The following DTWD2 variants were observed in gnomAD, a reference collection of about 807,000 sequenced individuals.
DTWD2 encodes the protein DTW motif tRNA-uridine aminocarboxypropyltransferase 2.
Under a neutral mutation model 31.8 loss-of-function variants are expected in DTWD2, and 39 were observed. That is an observed-to-expected ratio of 1.22 (90% confidence interval 0.95 to 1.60). The LOEUF (loss-of-function observed/expected upper bound fraction) is 1.60, where lower values mean the gene tolerates loss of function less well. Among genes scored for constraint, DTWD2 ranks in the 40% most tolerant of loss-of-function variants. The pLI is 0.00. For synonymous variants in DTWD2, 180 were observed against 142.8 expected (o/e 1.26, Z -1.86); for missense variants, 515 against 381.5 (o/e 1.35, Z -2.92).
chr5:118,855,419 TTTTA>T (rs1007395161), intron 4 of DTWD2, among the ~76,000 whole-genome samples: 6 of 148,982 alleles, frequency 4.0e-5, no homozygotes, highest in Middle Eastern at 3.4e-3. Flanking sequence ...ATTTTTAAAA[TTTTA>T]TTTATTTTCT....
intron 4 of DTWD2, among the ~76,000 whole-genome samples, chr5:118,872,376 C>T (rs1218423735): frequency 2.0e-5 from 3 of 152,250 alleles, no homozygotes; most frequent in Non-Finnish European, 2.9e-5. Context: ...CTGCTTTTGT[C>T]ATGCCTTCCT....
chr5:118,985,101 A>G (rs1755395290), intron 1 of DTWD2, among the ~76,000 whole-genome samples: 1 of 151,814 alleles, frequency 6.6e-6, no homozygotes, highest in African/African-American at 2.4e-5. Flanking sequence ...GGCAACCACC[A>G]CTAATCTCTG....
chr5:118,928,213 C>T (rs1199309943), intron 4 of DTWD2, among the ~76,000 whole-genome samples: 1 of 151,918 alleles, frequency 6.6e-6, no homozygotes, highest in Non-Finnish European at 1.5e-5. Context: ...TAACAAAACA[C>T]ATTAATACAT....
At chr5:118,941,226 T>G (rs1754191198) in intron 2 of DTWD2, among the ~76,000 whole-genome samples, 1 of 152,188 alleles carries the variant, frequency 6.6e-6, no homozygotes, top group Non-Finnish European at 1.5e-5. Context: ...GTGCACAATG[T>G]GCAGATTTGT....
At position 118,836,428 on chromosome 5, in the gene DTWD2, G is replaced by A. The variant is rs1055960080; in HGVS notation, c.*4489C>T. 6.6e-6 allele frequency among the ~76,000 whole-genome samples: 1 copy of A among 152,030 alleles called. No individual in the cohort carries two copies. Among genetic ancestry groups the A allele is most frequent in the African/African-American group, 2.4e-5 (1 of 41,398 alleles). ...TAATTTTTGTATTTTTAGTACAGATGAGGTTTCACCATCTTGGCCAGGCTG... is the reference window on the plus strand; with the variant it reads ...TAATTTTTGTATTTTTAGTACAGATAAGGTTTCACCATCTTGGCCAGGCTG... On this transcript the variant is annotated 3_prime_UTR_variant, in exon 6 of 6. Coordinates refer to ENST00000510708, the MANE Select transcript of DTWD2 (RefSeq NM_173666.4).
rs1751596044 is a variant in DTWD2 at position 118,837,305 on chromosome 5, C to T, written c.*3612G>A. 1 of 152,072 alleles carries T rather than the reference C, an allele frequency of 6.6e-6. No homozygotes were observed. The highest frequency in any genetic ancestry group is 1.5e-5 in the Non-Finnish European group (1 of 67,988). The allele number at this position is 152,072 out of a possible 1,614,324, so 9.4% of individuals were successfully genotyped here. ...GCCTACTTATGGGGCAAATTAAATGCAAAGTTTCATTCCATCTATAATGCA... is the reference window on the plus strand; with the variant it reads ...GCCTACTTATGGGGCAAATTAAATGTAAAGTTTCATTCCATCTATAATGCA... On this transcript the variant is annotated 3_prime_UTR_variant, in exon 6 of 6. Transcript: ENST00000510708.
chr5:118,961,312 T>C (rs187189438), intron 1 of DTWD2, among the ~76,000 whole-genome samples: 2 of 152,330 alleles, frequency 1.3e-5, no homozygotes, highest in East Asian at 3.9e-4. Flanking sequence ...TATAAACAAA[T>C]ATAAAATATA....
intron 1 of DTWD2, among the ~76,000 whole-genome samples, chr5:118,978,677 A>G (rs1755221047): frequency 6.6e-6 from 1 of 152,220 alleles, no homozygotes; most frequent in Non-Finnish European, 1.5e-5. Flanking sequence ...ACAGTGAGAT[A>G]CCATCTCATG....
chr5:118,881,083 T>C (rs1241774933), intron 4 of DTWD2, among the ~76,000 whole-genome samples: 1 of 152,198 alleles, frequency 6.6e-6, no homozygotes, highest in African/African-American at 2.4e-5. Flanking sequence ...CATACATCTA[T>C]TTTGGAGAAA....
chr5:118,862,457 G>A (rs943716681), intron 4 of DTWD2, among the ~76,000 whole-genome samples: 1 of 152,076 alleles, frequency 6.6e-6, no homozygotes, highest in Non-Finnish European at 1.5e-5. Flanking sequence ...AAATGAGAAG[G>A]TATCAAGGCA....
chr5:118,859,989 G>T (rs1339886534), intron 4 of DTWD2, among the ~76,000 whole-genome samples: 1 of 151,924 alleles, frequency 6.6e-6, no homozygotes, highest in Non-Finnish European at 1.5e-5. Context: ...GTGGTAGCAT[G>T]CACCTGCAGT....
chr5:118,947,674 TCA>T (rs1382334617), intron 1 of DTWD2, among the ~76,000 whole-genome samples: 1 of 152,188 alleles, frequency 6.6e-6, no homozygotes, highest in Non-Finnish European at 1.5e-5. Flanking sequence ...ATGCATGTTC[TCA>T]CTTTGGGGCA....
intron 1 of DTWD2, among the ~76,000 whole-genome samples, chr5:118,980,005 T>C (rs929483913): frequency 6.6e-6 from 1 of 152,226 alleles, no homozygotes; most frequent in African/African-American, 2.4e-5. Flanking sequence ...ACTTAAAAGT[T>C]GAAAAGAAAA....
At chr5:118,886,389 G>A (rs1031084639) in intron 4 of DTWD2, among the ~76,000 whole-genome samples, 1 of 152,200 alleles carries the variant, frequency 6.6e-6, no homozygotes, top group African/African-American at 2.4e-5. Context: ...AAATCCCTGT[G>A]AAGGAATATG....
chr5:118,982,880 G>T (rs903039527), intron 1 of DTWD2, among the ~76,000 whole-genome samples: 3 of 151,576 alleles, frequency 2.0e-5, no homozygotes, highest in African/African-American at 2.4e-5. Flanking sequence ...GTAGAGACAG[G>T]GTTTCACCAT....
At chr5:118,851,471 G>A (rs1405505326) in intron 4 of DTWD2, among the ~76,000 whole-genome samples, 3 of 151,946 alleles carry the variant, frequency 2.0e-5, no homozygotes, top group African/African-American at 7.3e-5. Flanking sequence ...TGTATGAACA[G>A]GGAGTAGGTC....
chr5:118,894,928 C>G (rs1199028775), intron 4 of DTWD2, among the ~76,000 whole-genome samples: 2 of 152,114 alleles, frequency 1.3e-5, no homozygotes, highest in African/African-American at 4.8e-5. Context: ...CAACTGAAAG[C>G]CTTTCCAGTA....
At chr5:118,885,590 A>T (rs1161961695) in intron 4 of DTWD2, among the ~76,000 whole-genome samples, 1 of 151,330 alleles carries the variant, frequency 6.6e-6, no homozygotes. Context: ...ACAGGGCGAA[A>T]TCTCGTCTCT....
chr5:118,934,881 A>C (rs1241556469), intron 3 of DTWD2, among the ~76,000 whole-genome samples: 1 of 152,210 alleles, frequency 6.6e-6, no homozygotes, highest in African/African-American at 2.4e-5. Context: ...GAGATAAAGA[A>C]AGACATTTGT....
Sources: allele counts gnomAD v4.1 joint callset (sites outside exome capture counted in the v4.1 genomes callset), GRCh38; gene constraint gnomAD v4.1.1; transcripts MANE v1.5; gene names NCBI Gene and HGNC (gene_info 2026-07-23, HGNC 2026-07-21).